Variants in SORCS1 observed in about 807,000 individuals in gnomAD.
The protein encoded by SORCS1 is VPS10 domain-containing receptor SorCS1.
SORCS1 carries 60 observed loss-of-function variants against 146.1 expected under a neutral mutation model. That is an observed-to-expected ratio of 0.41 (90% CI 0.33 to 0.51). The LOEUF is 0.51. Ranked by LOEUF, SORCS1 falls within the 20% of genes least tolerant of loss-of-function variation. The pLI is 0.21. For missense variants in SORCS1, 1,352 were observed against 1,487.6 expected, an observed-to-expected ratio of 0.91 and a Z score of 1.50; for synonymous variants, 637 against 584.0, an observed-to-expected ratio of 1.09 and a Z score of -1.31.
At chr10:107,066,701 C>G (rs1961897120) in intron 1 of SORCS1, among the ~76,000 whole-genome samples, 1 of 151,948 alleles carries the variant, frequency 6.6e-6, no homozygotes, top group Non-Finnish European at 1.5e-5. Flanking sequence ...TGTCCAAATC[C>G]TTTTAGTAAA....
chr10:106,700,936 A>G (rs1159345881), intron 8 of SORCS1, among the ~76,000 whole-genome samples: 3 of 152,134 alleles, frequency 2.0e-5, no homozygotes, highest in Non-Finnish European at 4.4e-5. Context: ...TTGAATGTCT[A>G]TTTACATTTC....
intron 1 of SORCS1, among the ~76,000 whole-genome samples, chr10:107,154,114 C>A (rs1969074598): frequency 6.8e-6 from 1 of 148,146 alleles, no homozygotes; most frequent in African/African-American, 2.5e-5. Context: ...CAGGTTCAAG[C>A]AATTCTCCTG....
chr10:106,995,954 T>A (rs909162612), intron 1 of SORCS1, among the ~76,000 whole-genome samples: 1 of 151,790 alleles, frequency 6.6e-6, no homozygotes, highest in African/African-American at 2.4e-5. Flanking sequence ...TGAGGCCAGG[T>A]GCGGTGGCTC....
chr10:107,090,267 T>G (rs1964090044), intron 1 of SORCS1, among the ~76,000 whole-genome samples: 1 of 152,162 alleles, frequency 6.6e-6, no homozygotes, highest in African/African-American at 2.4e-5. Flanking sequence ...TAGGACTCAT[T>G]GGACACCACA....
chr10:106,746,097 A>T (rs996888418), intron 5 of SORCS1, among the ~76,000 whole-genome samples: 1 of 152,216 alleles, frequency 6.6e-6, no homozygotes, highest in African/African-American at 2.4e-5. Flanking sequence ...AGAGACTAAA[A>T]AGACATGAAA....
chr10:107,068,696 C>T (rs1962140839), intron 1 of SORCS1, among the ~76,000 whole-genome samples: 1 of 152,124 alleles, frequency 6.6e-6, no homozygotes, highest in African/African-American at 2.4e-5. Context: ...GAAGCCCCAT[C>T]TCTACTAAAA....
At chr10:106,889,939 A>G (rs1951165919) in intron 2 of SORCS1, among the ~76,000 whole-genome samples, 1 of 149,338 alleles carries the variant, frequency 6.7e-6, no homozygotes, top group Admixed American at 6.6e-5. Context: ...GCTTGATATT[A>G]GGACACCCTG....
At chr10:107,038,885 G>T (rs1959036073) in intron 1 of SORCS1, among the ~76,000 whole-genome samples, 1 of 151,976 alleles carries the variant, frequency 6.6e-6, no homozygotes, top group Non-Finnish European at 1.5e-5. Context: ...AATCCTGAAT[G>T]CTAATAAAAA....
chr10:106,618,424 A>T lies in SORCS1; in HGVS notation c.2797-152T>A, dbSNP rs966006536. On this transcript the variant is annotated intron_variant, in intron 20 of 25. Transcript: ENST00000263054. Reference sequence around the variant, plus strand: ...CTGAGTCCCTCTATGCCTCCCTATCATCTCAAGCCCAAAGCAGAAAAGAGG... The same window carrying T: ...CTGAGTCCCTCTATGCCTCCCTATCTTCTCAAGCCCAAAGCAGAAAAGAGG... 19 of 930,422 alleles carry T rather than the reference A, an allele frequency of 2.0e-5. No individual in the cohort carries two copies. In the African/African-American group the frequency reaches 2.7e-4, roughly 13 times the overall value. The allele number at this position is 930,422 out of a possible 1,614,324, so 57.6% of individuals were successfully genotyped here. A position where few individuals can be genotyped will look rare whatever the true frequency, so the allele number is the denominator to read the frequency against.
chr10:106,677,487 C>A, intron 12 of SORCS1, 83 bp from the exon 13 acceptor site: 3 of 1,199,706 alleles, frequency 2.5e-6, no homozygotes, highest in Non-Finnish European at 3.7e-6. Context: ...CACATGAGAA[C>A]AAAAATCCTT....
At chr10:107,171,831 AT>A in the SORCS1 span, among the ~76,000 whole-genome samples, 21 of 152,282 alleles carry the variant, frequency 1.4e-4, no homozygotes, top group South Asian at 4.3e-3. Flanking sequence ...TATTCAACAT[AT>A]GCAATTTATC....
chr10:106,777,621 C>T (rs974109823), intron 3 of SORCS1, among the ~76,000 whole-genome samples: 4 of 152,222 alleles, frequency 2.6e-5, no homozygotes, highest in East Asian at 1.9e-4. Context: ...CAGCTTCAGA[C>T]GTTTTACACT....
intron 1 of SORCS1, among the ~76,000 whole-genome samples, chr10:106,963,576 G>C (rs148302617): frequency 1.3e-5 from 2 of 151,924 alleles, no homozygotes; most frequent in African/African-American, 4.8e-5. Context: ...ATTCTTTTGG[G>C]GACCCAAGAA....
chr10:106,715,987 G>A (rs1347774172), intron 6 of SORCS1, among the ~76,000 whole-genome samples: 1 of 152,048 alleles, frequency 6.6e-6, no homozygotes, highest in Non-Finnish European at 1.5e-5. Flanking sequence ...TCCTGACCTC[G>A]TGATTCGTCT....
rs1450482128 is a variant in SORCS1 at position 106,575,341 on chromosome 10, T to C, written c.*2079A>G. 1 of 152,288 alleles carries C rather than the reference T, an allele frequency of 6.6e-6. No individual in the cohort carries two copies. The highest frequency in any genetic ancestry group is 2.4e-5 in the African/African-American group (1 of 41,466). 9.4% of individuals were successfully genotyped at this position (152,288 alleles called of 1,614,324 possible). Reference sequence around the variant, plus strand: ...GACAGCAGCTTTGCTATTCTTTCTGTGCCTGAACTACATGAAGTCATGGAC... The same window carrying C: ...GACAGCAGCTTTGCTATTCTTTCTGCGCCTGAACTACATGAAGTCATGGAC... On this transcript the variant is annotated 3_prime_UTR_variant, in exon 26 of 26. Coordinates refer to ENST00000263054, the MANE Select transcript of SORCS1 (RefSeq NM_052918.5).
At chr10:106,692,802 G>C (rs898440840) in intron 9 of SORCS1, among the ~76,000 whole-genome samples, 1 of 151,908 alleles carries the variant, frequency 6.6e-6, no homozygotes, top group African/African-American at 2.4e-5. Flanking sequence ...CATATGTGAT[G>C]GGTCACAGTC....
chr10:106,940,454 G>C (rs938994030), intron 2 of SORCS1, among the ~76,000 whole-genome samples: 1 of 152,152 alleles, frequency 6.6e-6, no homozygotes, highest in African/African-American at 2.4e-5. Flanking sequence ...TCCTGGTAAA[G>C]GTAAGAGATG....
chr10:106,612,127 T>C, intron 21 of SORCS1, 104 bp from the exon 22 acceptor site: 1 of 812,588 alleles, frequency 1.2e-6, no homozygotes, highest in Non-Finnish European at 2.0e-6. Context: ...TCCCCTTCAC[T>C]TACCATAGGG....
chr10:107,146,479 C>A (rs974560743), intron 1 of SORCS1, among the ~76,000 whole-genome samples: 1 of 152,086 alleles, frequency 6.6e-6, no homozygotes, highest in Non-Finnish European at 1.5e-5. Context: ...GACTACAGAA[C>A]GTGAGTGGAT....
Sources: gnomAD v4.1 joint callset for allele counts (sites outside exome capture counted in the v4.1 genomes callset) on GRCh38, gnomAD v4.1.1 for gene constraint, MANE v1.5 for transcripts, NCBI Gene and HGNC (gene_info 2026-07-23, HGNC 2026-07-21) for gene names.